Variants in AKR7A3 observed in about 807,000 individuals in gnomAD.
AKR7A3 encodes the protein aldo-keto reductase family 7 member A3.
A neutral mutation model predicts 32.5 loss-of-function variants in AKR7A3; 37 were observed. The ratio of observed to expected loss-of-function variants is 1.14; its 90% CI spans 0.88 to 1.50. AKR7A3 has a LOEUF of 1.50. AKR7A3 is among the 40% of genes most tolerant of loss of function. AKR7A3 has a pLI of 0.00. For missense variants in AKR7A3, 412 were observed against 453.2 expected (o/e 0.91, Z 0.83); for synonymous variants, 177 against 188.4 (o/e 0.94, Z 0.50).
the AKR7A3 span, among the ~76,000 whole-genome samples, chr1:19,275,698 A>G: frequency 3.3e-5 from 5 of 151,730 alleles, no homozygotes; most frequent in Admixed American, 6.6e-5. Context: ...CCAGTTACTC[A>G]GGAGGTTGAG....
At chr1:19,280,980 T>C (rs1246733395), downstream of AKR7A3, among the ~76,000 whole-genome samples, 1 of 151,960 alleles carries the variant, frequency 6.6e-6, no homozygotes, top group Non-Finnish European at 1.5e-5. Context: ...TTGATTTATG[T>C]CTAGCCTTAT....
At chr1:19,286,717 C>A (rs144616866) in intron 1 of AKR7A3, among the ~76,000 whole-genome samples, 8 of 151,888 alleles carry the variant, frequency 5.3e-5, no homozygotes, top group African/African-American at 1.7e-4. Context: ...AAAAAAGAAT[C>A]TTAGTTCCTA....
intron 1 of AKR7A3, among the ~76,000 whole-genome samples, chr1:19,287,306 CAA>C (rs35986667): frequency 1.6e-4 from 21 of 132,614 alleles, no homozygotes; most frequent in Admixed American, 1.5e-4. Context: ...GACCCTGTCT[CAA>C]AAAAAAAAAA....
chr1:19,284,651 A>AC lies in AKR7A3; in HGVS notation c.704+34dup, dbSNP rs753275900. The AC allele has an allele frequency of 2.5e-6, 4 of 1,607,522 alleles. No homozygotes were observed. In the African/African-American group the frequency reaches 5.4e-5, roughly 22 times the overall value. On this transcript the variant is annotated intron_variant, in intron 5 of 6. Transcript: ENST00000361640. ...CTTCATTCCACATAAAGCTGACCCC[A>AC]CCCCAGCCATCCACACCAAGCACCC...
At chr1:19,279,774 A>ATATTGT (rs1229855432), downstream of AKR7A3, among the ~76,000 whole-genome samples, 1 of 151,752 alleles carries the variant, frequency 6.6e-6, no homozygotes, top group Non-Finnish European at 1.5e-5. Context: ...TGCATTATTG[A>ATATTGT]TATTGTTATT....
chr1:19,279,684 C>T (rs972084725), downstream of AKR7A3, among the ~76,000 whole-genome samples: 1 of 151,810 alleles, frequency 6.6e-6, no homozygotes, highest in Non-Finnish European at 1.5e-5. Context: ...TGATGTTGAG[C>T]GCTTTCTCAT....
chr1:19,284,239 T>C (rs1350959483), intron 5 of AKR7A3, 114 bp from the exon 6 acceptor site: 1 of 1,414,308 alleles, frequency 7.1e-7, no homozygotes. Flanking sequence ...GGGCAGGTGT[T>C]CTCTCTAGCC....
At position 19,285,125 on chromosome 1, in the gene AKR7A3, A is replaced by C; in HGVS notation, c.508-11T>G. On this transcript the variant is annotated splice_polypyrimidine_tract_variant and intron_variant, in intron 3 of 6. Coordinates refer to ENST00000361640, the MANE Select transcript of AKR7A3 (RefSeq NM_012067.3). ...GGCATTGTACATGCCCTGTAAGGAGAGGGGCCCCGGGGGAGAGGGTGGATG... is the reference window on the plus strand; with the variant it reads ...GGCATTGTACATGCCCTGTAAGGAGCGGGGCCCCGGGGGAGAGGGTGGATG... The C allele has an allele frequency of 6.2e-7, 1 of 1,613,380 alleles. No homozygotes were observed. The highest frequency in any genetic ancestry group is 1.3e-5 in the African/African-American group (1 of 74,650).
chr1:19,287,199 C>A (rs1202152171), intron 1 of AKR7A3, among the ~76,000 whole-genome samples: 1 of 150,732 alleles, frequency 6.6e-6, no homozygotes, highest in Non-Finnish European at 1.5e-5. Flanking sequence ...CCCAGCTACT[C>A]AGGAGACTGA....
At chr1:19,284,644 T>C in intron 5 of AKR7A3, 42 bp downstream of exon 5, 1 of 1,600,634 alleles carries the variant, frequency 6.2e-7, no homozygotes, top group Non-Finnish European at 8.6e-7. Flanking sequence ...CACATAAAGC[T>C]GACCCCACCC....
In AKR7A3 at chr1:19,284,006, G is replaced by A. The variant is rs201279439; in HGVS notation, c.824C>T (p.Ser275Leu). The A allele has an allele frequency of 8.7e-6, 14 of 1,613,326 alleles. No homozygotes were observed. The highest frequency in any genetic ancestry group is 1.2e-5 in the Non-Finnish European group (14 of 1,179,880). ...SATLRWMYHH[S>L]QLQGAHGDAV... ...AGGGTCACTGGTTACCTGCAGCTGT[G>A]AGTGGTGGTACATCCACCGGAGGGT... Residue 275 changes from serine to leucine, a missense_variant, in exon 6 of 7, where the codon TCA (serine) becomes TTA (leucine). Coordinates refer to ENST00000361640, the MANE Select transcript of AKR7A3 (RefSeq NM_012067.3).
At chr1:19,280,536 C>T (rs1028901722), downstream of AKR7A3, among the ~76,000 whole-genome samples, 4 of 151,594 alleles carry the variant, frequency 2.6e-5, no homozygotes, top group African/African-American at 9.7e-5. Flanking sequence ...TGCAAATATC[C>T]AGATGTTGTT....
At chr1:19,282,985 T>C in intron 6 of AKR7A3, 93 bp from the exon 7 acceptor site, 2 of 1,521,344 alleles carry the variant, frequency 1.3e-6, no homozygotes, top group Admixed American at 3.4e-5. Flanking sequence ...AGATTTGGGA[T>C]CTCTTGTATC....
At position 19,285,930 on chromosome 1, in the gene AKR7A3, G is replaced by T. The variant is rs777865262; in HGVS notation, c.465C>A (p.Thr155=). The change falls in exon 3 of 7, where the codon ACC becomes ACA. Residue 155 remains threonine (T), a synonymous_variant. Transcript: ENST00000361640. ...YAAWEVAEIC[T]LCKSNGWILP... ...GGATCCAGCCGTTGCTCTTGCAGAG[G>T]GTACAGATCTCGGCCACTTCCCAGG... The T allele has an allele frequency of 6.2e-7, 1 of 1,613,652 alleles. No homozygotes were observed. Among genetic ancestry groups the T allele is most frequent in the South Asian group, 1.1e-5 (1 of 91,070 alleles).
At chr1:19,285,160 AAG>A in intron 3 of AKR7A3, 46 bp from the exon 4 acceptor site, 2 of 1,574,896 alleles carry the variant, frequency 1.3e-6, no homozygotes, top group Non-Finnish European at 8.7e-7. Flanking sequence ...GTGTCAAAAG[AAG>A]AGACTTCAAA....
chr1:19,283,982 GGGTCACT>G lies in AKR7A3; in HGVS notation c.834+7_834+13del, dbSNP rs1264758553. 6.2e-7 allele frequency: 1 copy of G among 1,612,852 alleles called. No homozygotes were observed. The highest frequency in any genetic ancestry group is 2.2e-5 in the East Asian group (1 of 44,890). ...TGGAAGGGAAGAAGCTGAGCGCACA[GGGTCACT>G]GGTTACCTGCAGCTGTGAGTGGTGG... On this transcript the variant is annotated splice_region_variant and intron_variant, in intron 6 of 6. Transcript: ENST00000361640.
At chr1:19,283,435 C>T (rs1430276120) in intron 6 of AKR7A3, among the ~76,000 whole-genome samples, 3 of 151,818 alleles carry the variant, frequency 2.0e-5, no homozygotes, top group East Asian at 1.9e-4. Context: ...TCAGTTTCCT[C>T]GTCAATAACA....
At chr1:19,279,519 T>C (rs2093715791), downstream of AKR7A3, among the ~76,000 whole-genome samples, 1 of 151,948 alleles carries the variant, frequency 6.6e-6, no homozygotes, top group Admixed American at 6.5e-5. Flanking sequence ...TTTTCCAAAG[T>C]GGTTGTACCA....
In AKR7A3 at chr1:19,285,050, C is replaced by G. The variant is rs752465537; in HGVS notation, c.572G>C (p.Gly191Ala). 12 of 1,613,148 alleles carry G rather than the reference C, an allele frequency of 7.4e-6. No individual in the cohort carries two copies. The Admixed American group carries it at 1.2e-4, about 16-fold the overall frequency. ...TELFPCLRHF[G>A]LRFYAFNPLA... ...AGGGTTGAAGGCATAGAACCTCAGT[C>G]CAAAGTGCCTGAGGCAGGGGAAGAG... The change falls in exon 4 of 7, where the codon GGA becomes GCA. Residue 191 changes from glycine (G) to alanine (A), a missense_variant. Physicochemically the swap from Gly to Ala is moderately conservative, Grantham distance 60. Transcript: ENST00000361640.
Sources: gnomAD v4.1 joint callset for allele counts (sites outside exome capture counted in the v4.1 genomes callset) on GRCh38, gnomAD v4.1.1 for gene constraint, MANE v1.5 for transcripts, NCBI Gene and HGNC (gene_info 2026-07-23, HGNC 2026-07-21) for gene names.